The following SKI variants were observed in gnomAD, a reference collection of about 807,000 sequenced individuals.
SKI encodes SKI proto-oncogene, also known as ski oncogene.
SKI carries 23 observed loss-of-function variants against 59.3 expected under a neutral mutation model. That is an observed-to-expected ratio of 0.39 (90% CI 0.28 to 0.55). The LOEUF is 0.55. SKI is among the 20% of genes least tolerant of loss of function. The pLI, the probability that SKI is intolerant of heterozygous loss-of-function variation, is 0.67. For missense variants in SKI, 1,017 were observed against 1,038.9 expected, an observed-to-expected ratio of 0.98 and a Z score of 0.29; for synonymous variants, 673 against 488.6, an observed-to-expected ratio of 1.38 and a Z score of -4.98.
Position 2,228,458 on chromosome 1 carries a change from G to A in SKI, c.-309G>A, listed in dbSNP as rs1323574745. On this transcript the variant is annotated 5_prime_UTR_variant, in exon 1 of 7. Coordinates refer to ENST00000378536, the MANE Select transcript of SKI (RefSeq NM_003036.4). ...GGCGGCGCGCGCCGGGGCATGCCCC[G>A]CGCCTAGAGCCCGGGGGGCGCGCGG... 7.1e-6 allele frequency among the ~76,000 whole-genome samples: 1 copy of A among 141,648 alleles called. No individual in the cohort carries two copies. The highest frequency in any genetic ancestry group is 2.5e-5 in the African/African-American group (1 of 39,568). 92.9% of individuals were successfully genotyped at this position (141,648 alleles called of 152,430 possible).
intron 1 of SKI, among the ~76,000 whole-genome samples, chr1:2,292,841 G>A (rs192612801): frequency 6.6e-6 from 1 of 152,352 alleles, no homozygotes; most frequent in Admixed American, 6.5e-5. Flanking sequence ...CACAGTTTGT[G>A]CAGAGTCCCC....
At chr1:2,299,357 A>C (rs1179896738) in intron 1 of SKI, among the ~76,000 whole-genome samples, 3 of 151,920 alleles carry the variant, frequency 2.0e-5, no homozygotes, top group African/African-American at 7.3e-5. Flanking sequence ...GAAGTGGCCC[A>C]GCTGACGACC....
intron 1 of SKI, among the ~76,000 whole-genome samples, chr1:2,282,851 G>C (rs1273564497): frequency 6.6e-6 from 1 of 152,224 alleles, no homozygotes; most frequent in Non-Finnish European, 1.5e-5. Flanking sequence ...CTGGTTCTCA[G>C]CCTCCGACCT....
Position 2,228,528 on chromosome 1 carries a change from G to A in SKI, c.-239G>A, listed in dbSNP as rs1243556001. Among the ~76,000 whole-genome samples the A allele has an allele frequency of 7.0e-6, 1 of 143,148 alleles. No individual in the cohort carries two copies. The highest frequency in any genetic ancestry group is 6.9e-5 in the Admixed American group (1 of 14,558). 93.9% of individuals were successfully genotyped at this position (143,148 alleles called of 152,430 possible). ...GGCGGCGGCGGGCGCGGCGCGGGGC[G>A]CGTGGATGTGGCGCCGGGCCCGGGC... On this transcript the variant is annotated 5_prime_UTR_variant, in exon 1 of 7. Coordinates refer to ENST00000378536, the MANE Select transcript of SKI (RefSeq NM_003036.4).
intron 1 of SKI, among the ~76,000 whole-genome samples, chr1:2,259,861 G>C (rs772957797): frequency 6.6e-6 from 1 of 152,212 alleles, no homozygotes; most frequent in African/African-American, 2.4e-5. Flanking sequence ...GATGCGTGGC[G>C]TGTGCTGGGC....
At chr1:2,284,903 G>A (rs1449261203) in intron 1 of SKI, among the ~76,000 whole-genome samples, 1 of 152,230 alleles carries the variant, frequency 6.6e-6, no homozygotes, top group African/African-American at 2.4e-5. Flanking sequence ...GGTGGTTTTG[G>A]TGCCACACAC....
In SKI at chr1:2,229,831, G is replaced by T; in HGVS notation, c.969+96G>T. On this transcript the variant is annotated intron_variant, in intron 1 of 6. Coordinates refer to ENST00000378536, the MANE Select transcript of SKI (RefSeq NM_003036.4). This position sits in a 1 kb window ranked among gnomAD's most constrained non-coding sequence, Gnocchi z 6.3. ...CTGGTCTCCGAAGGCTGGGACCTGTGCTTCTGCCGTGCCCCATGTCTCCAG... is the reference window on the plus strand; with the variant it reads ...CTGGTCTCCGAAGGCTGGGACCTGTTCTTCTGCCGTGCCCCATGTCTCCAG... 1.9e-6 allele frequency: 3 copies of T among 1,539,194 alleles called. No homozygotes were observed. The highest frequency in any genetic ancestry group is 2.6e-6 in the Non-Finnish European group (3 of 1,140,552).
At chr1:2,298,621 T>C (rs571558819) in intron 1 of SKI, among the ~76,000 whole-genome samples, 39 of 152,124 alleles carry the variant, frequency 2.6e-4, no homozygotes, top group Non-Finnish European at 5.0e-4. Flanking sequence ...AAGAGACCAG[T>C]CTAAGGGGAG....
intron 1 of SKI, among the ~76,000 whole-genome samples, chr1:2,294,368 T>G (rs769466492): frequency 3.9e-5 from 6 of 152,252 alleles, no homozygotes; most frequent in Non-Finnish European, 7.3e-5. Flanking sequence ...AGGCTGGCTG[T>G]GTGTGGCTGC....
At position 2,306,780 on chromosome 1, in the gene SKI, G is replaced by A. The variant is rs567459593; in HGVS notation, c.*15G>A. The A allele has an allele frequency of 2.6e-5, 39 of 1,484,852 alleles. No homozygotes were observed. The highest frequency in any genetic ancestry group is 4.4e-5 in the African/African-American group (3 of 67,882). The allele number at this position is 1,484,852 out of a possible 1,614,324, so 92.0% of individuals were successfully genotyped here. On this transcript the variant is annotated 3_prime_UTR_variant, in exon 7 of 7. Transcript: ENST00000378536. ...TGGAGCCGTAGATTCCGTGCCTGCC[G>A]CCGCAGCGCCGCCGACAACGCGGGT... is the stretch of plus-strand genomic sequence containing the variant.
At chr1:2,238,657 C>G (rs1638801522) in intron 1 of SKI, among the ~76,000 whole-genome samples, 1 of 152,210 alleles carries the variant, frequency 6.6e-6, no homozygotes, top group African/African-American at 2.4e-5. Context: ...GACAGGGCAG[C>G]CGAGCCACCC....
chr1:2,264,102 A>G (rs1245049057), intron 1 of SKI, among the ~76,000 whole-genome samples: 1 of 152,106 alleles, frequency 6.6e-6, no homozygotes, highest in Non-Finnish European at 1.5e-5. Flanking sequence ...TATATAGACT[A>G]TTCAGTTTAT....
intron 1 of SKI, among the ~76,000 whole-genome samples, chr1:2,286,100 C>T (rs1640035809): frequency 6.6e-6 from 1 of 151,914 alleles, no homozygotes; most frequent in African/African-American, 2.4e-5. Context: ...TCTTGAACTC[C>T]TGACCTCGTC....
chr1:2,228,882 C>T lies in SKI; in HGVS notation c.116C>T (p.Ser39Leu), dbSNP rs746485528. The T allele has an allele frequency of 2.1e-5, 30 of 1,427,528 alleles. No individual in the cohort carries two copies. The highest frequency in any genetic ancestry group is 2.8e-5 in the Non-Finnish European group (30 of 1,086,652). 88.4% of individuals were successfully genotyped at this position (1,427,528 alleles called of 1,614,324 possible). The stretch of plus-strand genomic sequence containing the variant: ...TCGCTGGGCGGCCCGGCCGCTTTCT[C>T]GGCGCGCTGGGCGCAGGAGGCCTAC... Reference protein sequence around the residue: ...MSSLGGPAAFSARWAQEAYKK... With the variant: ...MSSLGGPAAFLARWAQEAYKK... The change falls in exon 1 of 7, where the codon TCG becomes TTG. Residue 39 changes from serine to leucine, a missense_variant. By Grantham distance (145) the Ser-to-Leu change is moderately radical. Coordinates refer to ENST00000378536, the MANE Select transcript of SKI (RefSeq NM_003036.4).
intron 1 of SKI, among the ~76,000 whole-genome samples, chr1:2,259,655 C>T (rs749270882): frequency 6.6e-6 from 1 of 152,196 alleles, no homozygotes; most frequent in Non-Finnish European, 1.5e-5. Flanking sequence ...ACCCTCGCTG[C>T]CGTCCAGATG....
intron 1 of SKI, among the ~76,000 whole-genome samples, chr1:2,252,855 G>C (rs1440143950): frequency 6.6e-6 from 1 of 152,164 alleles, no homozygotes; most frequent in Admixed American, 6.5e-5. Context: ...AGCACTTTTG[G>C]AGTTGGCGAT....
intron 1 of SKI, among the ~76,000 whole-genome samples, chr1:2,244,686 T>A (rs1019024366): frequency 6.6e-6 from 1 of 152,170 alleles, no homozygotes; most frequent in Non-Finnish European, 1.5e-5. Context: ...TTTTGGTGGG[T>A]TGATTGTTTT....
Position 2,303,786 on chromosome 1 carries a change from CTGGG to C in SKI, c.1212-50_1212-47del. Reference sequence around the variant, plus strand: ...AGAGGGGGTGTGCGCCAGGATGTGTCTGGGTGGTGCTTGGGGACAGAGGCACCTT... The same window carrying C: ...AGAGGGGGTGTGCGCCAGGATGTGTCTGGTGCTTGGGGACAGAGGCACCTT... On this transcript the variant is annotated intron_variant, in intron 3 of 6. Coordinates refer to ENST00000378536, the MANE Select transcript of SKI (RefSeq NM_003036.4). This position sits in a 1 kb window ranked among gnomAD's most constrained non-coding sequence, Gnocchi z 5.6. 1.2e-6 allele frequency: 2 copies of C among 1,603,856 alleles called. No individual in the cohort carries two copies. Among genetic ancestry groups the C allele is most frequent in the Non-Finnish European group, 1.7e-6 (2 of 1,176,008 alleles).
intron 1 of SKI, among the ~76,000 whole-genome samples, chr1:2,234,603 C>T (rs1170972420): frequency 6.6e-6 from 1 of 152,216 alleles, no homozygotes; most frequent in Non-Finnish European, 1.5e-5. Context: ...GCTGGCAGGG[C>T]CTCCAGAGAG....
Sources: allele counts gnomAD v4.1 joint callset (sites outside exome capture counted in the v4.1 genomes callset), GRCh38; gene constraint gnomAD v4.1.1; non-coding constraint Gnocchi (gnomAD v3.1); transcripts MANE v1.5; gene names NCBI Gene and HGNC (gene_info 2026-07-23, HGNC 2026-07-21).